The following BBS9 variants were observed in gnomAD, a reference collection of about 807,000 sequenced individuals.
BBS9 encodes protein PTHB1.
BBS9 carries 89 observed loss-of-function variants against 117.7 expected under a neutral mutation model. The ratio of observed to expected loss-of-function variants is 0.76; its 90% CI spans 0.64 to 0.90. The LOEUF (loss-of-function observed/expected upper bound fraction) is 0.90, where lower values mean the gene tolerates loss of function less well. Among genes scored for constraint, BBS9 ranks in the 40% least tolerant of loss-of-function variants. The pLI, the probability that BBS9 is intolerant of heterozygous loss-of-function variation, is 0.00. For missense variants in BBS9, 982 were observed against 1,042.2 expected, an observed-to-expected ratio of 0.94 and a Z score of 0.80; for synonymous variants, 379 against 370.9, an observed-to-expected ratio of 1.02 and a Z score of -0.25.
chr7:33,135,079 G>A (rs1027127082), intron 1 of BBS9, among the ~76,000 whole-genome samples: 2 of 152,154 alleles, frequency 1.3e-5, no homozygotes, highest in African/African-American at 4.8e-5. Context: ...TTTTTGTAGT[G>A]ATGGGGTCTC....
At chr7:33,135,875 C>G (rs1172245965) in intron 1 of BBS9, among the ~76,000 whole-genome samples, 1 of 151,946 alleles carries the variant, frequency 6.6e-6, no homozygotes, top group East Asian at 1.9e-4. Flanking sequence ...TCATAGTTTT[C>G]AGAGTATAAG....
chr7:33,615,171 T>C (rs1458601365), intron 21 of BBS9, among the ~76,000 whole-genome samples: 1 of 152,038 alleles, frequency 6.6e-6, no homozygotes, highest in African/African-American at 2.4e-5. Context: ...CAGTTCTTTT[T>C]ACCCAGTACA....
At chr7:33,433,469 A>G (rs1834834219) in intron 19 of BBS9, among the ~76,000 whole-genome samples, 1 of 152,218 alleles carries the variant, frequency 6.6e-6, no homozygotes, top group Non-Finnish European at 1.5e-5. Flanking sequence ...CTGTACTTGC[A>G]TTTGAAAGTT....
chr7:33,274,832 T>C (rs770906410), intron 9 of BBS9, among the ~76,000 whole-genome samples: 1 of 151,762 alleles, frequency 6.6e-6, no homozygotes, highest in Non-Finnish European at 1.5e-5. Flanking sequence ...CTGTCTCTAC[T>C]AAAATACAAA....
chr7:33,583,299 C>G (rs1174810342), intron 21 of BBS9, among the ~76,000 whole-genome samples: 3 of 152,084 alleles, frequency 2.0e-5, no homozygotes, highest in African/African-American at 7.2e-5. Context: ...AGCTTACATG[C>G]ATTTGATAGA....
At chr7:33,503,293 A>G (rs1845700166) in intron 19 of BBS9, among the ~76,000 whole-genome samples, 1 of 152,192 alleles carries the variant, frequency 6.6e-6, no homozygotes, top group African/African-American at 2.4e-5. Context: ...GTCCTGGGCA[A>G]ATACCTTATA....
At chr7:33,598,110 C>T (rs1863166668) in intron 21 of BBS9, among the ~76,000 whole-genome samples, 1 of 151,882 alleles carries the variant, frequency 6.6e-6, no homozygotes, top group African/African-American at 2.4e-5. Context: ...AAGCCTTGTT[C>T]TTTGCCTTCT....
intron 20 of BBS9, among the ~76,000 whole-genome samples, chr7:33,526,231 A>C (rs1849479266): frequency 6.6e-6 from 1 of 151,818 alleles, no homozygotes; most frequent in South Asian, 2.1e-4. Context: ...TGTGTCTTGG[A>C]GTTGCTCTTC....
chr7:33,486,290 C>G (rs1040087804), intron 19 of BBS9, among the ~76,000 whole-genome samples: 1 of 152,152 alleles, frequency 6.6e-6, no homozygotes, highest in Non-Finnish European at 1.5e-5. Flanking sequence ...TCAATGGCCT[C>G]CTGATGGATG....
At chr7:33,387,882 A>C in intron 18 of BBS9, 110 bp from the exon 19 acceptor site, 2 of 1,255,528 alleles carry the variant, frequency 1.6e-6, no homozygotes, top group South Asian at 2.5e-5. Flanking sequence ...TCTATAATGC[A>C]TTTAAATTTC....
At chr7:33,242,668 T>G (rs1043581292) in intron 5 of BBS9, among the ~76,000 whole-genome samples, 1 of 152,188 alleles carries the variant, frequency 6.6e-6, no homozygotes, top group Admixed American at 6.5e-5. Flanking sequence ...TACTTATTGT[T>G]TGATTTTATT....
At chr7:33,630,864 C>A (rs1324867400) in intron 21 of BBS9, among the ~76,000 whole-genome samples, 1 of 152,134 alleles carries the variant, frequency 6.6e-6, no homozygotes. Context: ...TATTTATTGT[C>A]TACTATGTGC....
Position 33,152,766 on chromosome 7 carries a change from G to A in BBS9, c.178G>A (p.Gly60Arg). 1 of 1,613,660 alleles carries A rather than the reference G, an allele frequency of 6.2e-7. No homozygotes were observed. Among genetic ancestry groups the A allele is most frequent in the Non-Finnish European group, 8.5e-7 (1 of 1,179,854 alleles). The change falls in exon 3 of 23, where the codon GGA (glycine) becomes AGA (arginine). Residue 60 changes from glycine to arginine, a missense_variant. By Grantham distance (125) the Gly-to-Arg change is moderately radical. Coordinates refer to ENST00000242067, the MANE Select transcript of BBS9 (RefSeq NM_198428.3). ...CTTTAGCCCCCATCCTGCAAAAACA[G>A]GAGATGGAGCTCAAGCCGAAGATTT... is the stretch of plus-strand genomic sequence containing the variant. ...RIFSPHPAKT[G>R]DGAQAEDLLL...
intron 5 of BBS9, among the ~76,000 whole-genome samples, chr7:33,191,171 TAC>T (rs1784056629): frequency 1.3e-5 from 2 of 152,168 alleles, no homozygotes; most frequent in African/African-American, 4.8e-5. Flanking sequence ...AGCAGCAACA[TAC>T]AGTCTTTTAC....
intron 19 of BBS9, among the ~76,000 whole-genome samples, chr7:33,460,770 C>T (rs184632225): frequency 1.3e-5 from 2 of 151,874 alleles, no homozygotes; most frequent in South Asian, 4.1e-4. Flanking sequence ...CATTTTAAAG[C>T]GAAGAATTCA....
intron 15 of BBS9, among the ~76,000 whole-genome samples, chr7:33,355,153 T>G (rs1584467983): frequency 6.6e-6 from 1 of 152,088 alleles, no homozygotes; most frequent in East Asian, 1.9e-4. Flanking sequence ...CTGTGAAAAG[T>G]CTTTAAATAC....
chr7:33,283,400 T>G (rs1441380748), intron 9 of BBS9, among the ~76,000 whole-genome samples: 1 of 152,186 alleles, frequency 6.6e-6, no homozygotes, highest in African/African-American at 2.4e-5. Flanking sequence ...ATCAATTAAT[T>G]ATTTGTATAT....
At chr7:33,407,262 C>G (rs1159054232) in intron 19 of BBS9, among the ~76,000 whole-genome samples, 1 of 152,336 alleles carries the variant, frequency 6.6e-6, no homozygotes, top group South Asian at 2.1e-4. Flanking sequence ...ACTTAGTTCT[C>G]AAGCCTTGGC....
intron 4 of BBS9, among the ~76,000 whole-genome samples, chr7:33,172,103 G>A (rs756617789): frequency 1.4e-4 from 21 of 152,126 alleles, no homozygotes; most frequent in Admixed American, 3.3e-4. Flanking sequence ...CCTCTAGGCC[G>A]GGTGTGGTGG....
Sources: allele counts gnomAD v4.1 joint callset (sites outside exome capture counted in the v4.1 genomes callset), GRCh38; gene constraint gnomAD v4.1.1; transcripts MANE v1.5; gene names NCBI Gene and HGNC (gene_info 2026-07-23, HGNC 2026-07-21).